Variants in OSBPL5 observed in about 807,000 individuals in gnomAD.
OSBPL5 encodes the protein oxysterol binding protein like 5, also known as oxysterol-binding protein-related protein 5.
Under a neutral mutation model 111.2 loss-of-function variants are expected in OSBPL5, and 71 were observed. The observed-to-expected ratio is 0.64, with a 90% CI of 0.53 to 0.78. The LOEUF is 0.78. Ranked by LOEUF, OSBPL5 falls within the 30% of genes least tolerant of loss-of-function variation. The pLI, the probability that OSBPL5 is intolerant of heterozygous loss-of-function variation, is 0.00. For synonymous variants in OSBPL5, 549 were observed against 513.9 expected, an observed-to-expected ratio of 1.07 and a Z score of -0.93; for missense variants, 1,210 against 1,189.3, an observed-to-expected ratio of 1.02 and a Z score of -0.26.
intron 1 of OSBPL5, among the ~76,000 whole-genome samples, chr11:3,164,615 G>C (rs928961934): frequency 6.6e-6 from 1 of 152,188 alleles, no homozygotes; most frequent in African/African-American, 2.4e-5. Context: ...TCTTCAGGGG[G>C]TCAGTGCCCC....
At chr11:3,115,832 G>A (rs1308796946) in intron 7 of OSBPL5, among the ~76,000 whole-genome samples, 1 of 150,326 alleles carries the variant, frequency 6.7e-6, no homozygotes, top group Non-Finnish European at 1.5e-5. Context: ...CTTATTGTTT[G>A]GAAAACTAAG....
chr11:3,147,252 AG>A (rs1215410136), intron 1 of OSBPL5, among the ~76,000 whole-genome samples: 3 of 152,206 alleles, frequency 2.0e-5, no homozygotes, highest in Admixed American at 6.5e-5. Context: ...ATGCTGGCAG[AG>A]GCCCTGGGAG....
intron 1 of OSBPL5, among the ~76,000 whole-genome samples, chr11:3,133,004 C>G (rs936815139): frequency 1.3e-5 from 2 of 152,210 alleles, no homozygotes; most frequent in Non-Finnish European, 2.9e-5. Flanking sequence ...GCCTGGGGTG[C>G]CTGCCTGCCT....
At chr11:3,158,924 G>A (rs1196109739) in intron 1 of OSBPL5, among the ~76,000 whole-genome samples, 3 of 152,206 alleles carry the variant, frequency 2.0e-5, no homozygotes, top group Admixed American at 6.5e-5. Flanking sequence ...CCGTGTGCAG[G>A]AGCCTTAGCC....
chr11:3,145,729 T>A (rs12277346), intron 1 of OSBPL5, among the ~76,000 whole-genome samples: 2 of 152,132 alleles, frequency 1.3e-5, no homozygotes, highest in South Asian at 4.1e-4. Context: ...CTGTGCAGTT[T>A]ACAGATGAGA....
chr11:3,092,410 G>C lies in OSBPL5; in HGVS notation c.2259+22C>G. 6.4e-7 allele frequency: 1 copy of C among 1,561,524 alleles called. No homozygotes were observed. Among genetic ancestry groups the C allele is most frequent in the East Asian group, 2.3e-5 (1 of 42,632 alleles). On this transcript the variant is annotated intron_variant, in intron 19 of 21. Coordinates refer to ENST00000263650, the MANE Select transcript of OSBPL5 (RefSeq NM_020896.4). This position sits in a 1 kb window ranked among gnomAD's most constrained non-coding sequence, Gnocchi z 5.4. The stretch of plus-strand genomic sequence containing the variant: ...CACGTGCAGCTAAGACCAGCCCTGG[G>C]TGGGGCCTGTGGGGTGCTGACCTCG...
rs775915326 is a variant in OSBPL5, at chr11:3,094,276, C to T, written c.1680G>A (p.Ala560=). 2.3e-5 allele frequency: 37 copies of T among 1,613,666 alleles called. No homozygotes were observed. Among genetic ancestry groups the T allele is most frequent in the Non-Finnish European group, 2.8e-5 (33 of 1,179,998 alleles). ...CCAGCTGGGCCTGGAAGTTGTTCTT[C>T]GCACACTCGATGGTGACCTTCCCAC... The part of the protein sequence containing the change: ...ELGGKVTIEC[A]KNNFQAQLEF... Residue 560 remains alanine, a synonymous_variant, in exon 15 of 22, where the codon GCG becomes GCA. Coordinates refer to ENST00000263650, the MANE Select transcript of OSBPL5 (RefSeq NM_020896.4).
rs186545647 is a variant in OSBPL5, at chr11:3,100,249, C to T, written c.1530G>A (p.Ser510=). The T allele has an allele frequency of 3.2e-4, 518 of 1,613,902 alleles. 15 individuals carry two copies. The South Asian group carries it at 5.2e-3, about 16-fold the overall frequency. ...ITAKSRFYGN[S]LSALLDGKAT... is the part of the protein sequence containing the mutation. ...CTTTGCCGTCCAGCAGCGCCGACAG[C>T]GAGTTCCCTGCAGAGACAAGAGACA... Residue 510 remains serine, a synonymous_variant, in exon 14 of 22, where the codon TCG becomes TCA. Coordinates refer to ENST00000263650, the MANE Select transcript of OSBPL5 (RefSeq NM_020896.4).
At chr11:3,088,365 C>T (rs751307034) in intron 21 of OSBPL5, 22 bp from the exon 22 acceptor site, 7 of 1,519,436 alleles carry the variant, frequency 4.6e-6, no homozygotes, top group Admixed American at 2.0e-5. Context: ...GGCGACAGAT[C>T]GTGGGGGCTG....
At chr11:3,127,388 G>A (rs1341359955) in intron 2 of OSBPL5, among the ~76,000 whole-genome samples, 1 of 152,252 alleles carries the variant, frequency 6.6e-6, no homozygotes, top group Non-Finnish European at 1.5e-5. Context: ...TGGAAGGCCT[G>A]GGGTCTATAG....
intron 19 of OSBPL5, among the ~76,000 whole-genome samples, chr11:3,091,812 G>A (rs933352082): frequency 3.3e-5 from 5 of 152,176 alleles, no homozygotes; most frequent in Non-Finnish European, 5.9e-5. Context: ...TGGCCCAGAC[G>A]GCATCAGCTG....
intron 19 of OSBPL5, 54 bp from the exon 20 acceptor site, chr11:3,090,750 G>T: frequency 6.5e-7 from 1 of 1,546,686 alleles, no homozygotes. Context: ...CCCTGCCCAG[G>T]CCCCAGGGAC....
rs148932439 is a variant in OSBPL5 at position 3,093,827 on chromosome 11, G to A, written c.1728C>T (p.Phe576=). Residue 576 remains phenylalanine, a synonymous_variant, in exon 16 of 22, where the codon TTC becomes TTT. Transcript: ENST00000263650. ...AQLEFKLKPF[F]GGSTSINQIS... is the part of the protein sequence containing the mutation. The stretch of plus-strand genomic sequence containing the variant: ...TCTGGTTGATGCTGGTGCTACCCCC[G>A]AAGAAGGGCTGCGGGGCCACACCCA... The A allele has an allele frequency of 1.4e-5, 23 of 1,611,696 alleles. No homozygotes were observed. In the East Asian group the frequency reaches 1.6e-4, roughly 11 times the overall value.
chr11:3,129,196 G>T, intron 1 of OSBPL5, 27 bp from the exon 2 acceptor site: 1 of 1,359,978 alleles, frequency 7.4e-7, no homozygotes, highest in Non-Finnish European at 9.5e-7. Flanking sequence ...AGGGGCAGCA[G>T]GAGGTCACCG....
At chr11:3,099,844 G>A (rs1473880937) in intron 14 of OSBPL5, among the ~76,000 whole-genome samples, 5 of 152,108 alleles carry the variant, frequency 3.3e-5, no homozygotes, top group Admixed American at 6.5e-5. Flanking sequence ...CGAGGCGGGC[G>A]GATCACCTGA....
In OSBPL5 at chr11:3,122,425, C is replaced by G; in HGVS notation, c.223G>C (p.Glu75Gln). The G allele has an allele frequency of 6.2e-7, 1 of 1,613,654 alleles. No individual in the cohort carries two copies. The highest frequency in any genetic ancestry group is 8.5e-7 in the Non-Finnish European group (1 of 1,179,880). ...TCTGACCCGTTGCACAGCCTGTACT[C>G]TGCCTGAAAGAGAGAGGTGGGTATG... Reference protein sequence around the residue: ...PSSATKVPPAEYRLCNGSDKE... With the variant: ...PSSATKVPPAQYRLCNGSDKE... Residue 75 changes from glutamate to glutamine, a missense_variant, in exon 4 of 22, where the codon GAG (glutamate) becomes CAG (glutamine). Coordinates refer to ENST00000263650, the MANE Select transcript of OSBPL5 (RefSeq NM_020896.4).
chr11:3,101,866 G>A (rs576381081), intron 12 of OSBPL5, among the ~76,000 whole-genome samples, 167 bp from the exon 13 acceptor site: 177 of 152,320 alleles, frequency 1.2e-3, no homozygotes, highest in Non-Finnish European at 1.9e-3. Context: ...ACGACGCCCA[G>A]GGCAGGTAGG....
intron 1 of OSBPL5, among the ~76,000 whole-genome samples, chr11:3,133,982 TG>T (rs371982247): frequency 0.015 from 1,917 of 129,190 alleles, 35 homozygotes; most frequent in African/African-American, 0.05. Context: ...CGGGGCTTGG[TG>T]GGGGGGGGGT....
At chr11:3,091,594 G>A (rs1399837782) in intron 19 of OSBPL5, among the ~76,000 whole-genome samples, 1 of 152,116 alleles carries the variant, frequency 6.6e-6, no homozygotes, top group African/African-American at 2.4e-5. Context: ...TGGGGCCAAG[G>A]GAAGGCAGGA....
Sources: gnomAD v4.1 joint callset for allele counts (sites outside exome capture counted in the v4.1 genomes callset) on GRCh38, gnomAD v4.1.1 for gene constraint, Gnocchi (gnomAD v3.1) non-coding constraint, MANE v1.5 for transcripts, NCBI Gene and HGNC (gene_info 2026-07-23, HGNC 2026-07-21) for gene names.